The following LRRC57 variants were observed in gnomAD, a reference collection of about 807,000 sequenced individuals.
The protein encoded by LRRC57 is leucine rich repeat containing 57.
In LRRC57, 14 loss-of-function variants were observed where a neutral mutation model predicts 23.1. The ratio of observed to expected loss-of-function variants is 0.61; its 90% CI spans 0.40 to 0.95. LRRC57 has a LOEUF of 0.95. Ranked by LOEUF, LRRC57 falls within the 40% of genes least tolerant of loss-of-function variation. LRRC57 has a pLI of 0.00. For synonymous variants in LRRC57, 106 were observed against 115.2 expected, an observed-to-expected ratio of 0.92 and a Z score of 0.51; for missense variants, 236 against 284.4, an observed-to-expected ratio of 0.83 and a Z score of 1.22.
At chr15:42,535,929 T>C (rs2057598568), downstream of LRRC57, among the ~76,000 whole-genome samples, 1 of 152,238 alleles carries the variant, frequency 6.6e-6, no homozygotes, top group East Asian at 1.9e-4. Flanking sequence ...AATTTTAAAA[T>C]TAGCCAGGTG....
chr15:42,543,870 G>A lies in LRRC57; in HGVS notation c.*213C>T, dbSNP rs968417153. On this transcript the variant is annotated 3_prime_UTR_variant, in exon 6 of 6. Coordinates refer to ENST00000397130, the MANE Select transcript of LRRC57 (RefSeq NM_153260.3). ...TATTGCCCTACTCATGACTCAAAAC[G>A]GAAGACTTTTCCTGTCTCCTGATCC... is the stretch of plus-strand genomic sequence containing the variant. 4.5e-5 allele frequency: 20 copies of A among 443,722 alleles called. No individual in the cohort carries two copies. The highest frequency in any genetic ancestry group is 3.1e-4 in the East Asian group (10 of 32,126). 27.5% of individuals were successfully genotyped at this position (443,722 alleles called of 1,614,324 possible). A position where few individuals can be genotyped will look rare whatever the true frequency, so the allele number is the denominator to read the frequency against.
chr15:42,545,205 C>G lies in LRRC57; in HGVS notation c.550G>C (p.Glu184Gln). 2 of 1,608,470 alleles carry G rather than the reference C, an allele frequency of 1.2e-6. No homozygotes were observed. The highest frequency in any genetic ancestry group is 8.5e-7 in the Non-Finnish European group (1 of 1,177,906). Residue 184 changes from glutamate to glutamine, a missense_variant, in exon 5 of 6, where the codon GAA (glutamate) becomes CAA (glutamine). Physicochemically the swap from Glu to Gln is conservative, Grantham distance 29. Transcript: ENST00000397130. ...ATGCTGAGCTCAAGACAATTCTCTT[C>G]CAGGCGAAGAATTTTAAGGCGTGGA... ...CCPRLKILRL[E>Q]ENCLELSMLP...
At chr15:42,530,870 A>G in the LRRC57 span, among the ~76,000 whole-genome samples, 1 of 152,260 alleles carries the variant, frequency 6.6e-6, no homozygotes, top group African/African-American at 2.4e-5. Context: ...ACAGTGGTTC[A>G]CAAGATGCTT....
downstream of LRRC57, among the ~76,000 whole-genome samples, chr15:42,535,710 G>C (rs755140032): frequency 1.3e-5 from 2 of 152,066 alleles, no homozygotes; most frequent in Admixed American, 6.6e-5. Flanking sequence ...CAACGCGCCC[G>C]GCTATGACTC....
the LRRC57 span, among the ~76,000 whole-genome samples, chr15:42,528,578 GT>G: frequency 0.011 from 1,678 of 151,936 alleles, 25 homozygotes; most frequent in African/African-American, 0.038. Flanking sequence ...CAAAATGTGG[GT>G]TTTTTTTATT....
downstream of LRRC57, among the ~76,000 whole-genome samples, chr15:42,535,982 A>G (rs2057598908): frequency 6.6e-6 from 1 of 152,118 alleles, no homozygotes; most frequent in African/African-American, 2.4e-5. Context: ...GGAGGCTGAG[A>G]TGGGATGATT....
downstream of LRRC57, among the ~76,000 whole-genome samples, chr15:42,534,135 T>C (rs936462295): frequency 1.3e-5 from 2 of 152,134 alleles, no homozygotes; most frequent in Non-Finnish European, 1.5e-5. Flanking sequence ...TTGTTTGTTT[T>C]GTTTTGTTTT....
downstream of LRRC57, among the ~76,000 whole-genome samples, chr15:42,534,127 GTTTGT>G (rs899561230): frequency 5.3e-5 from 8 of 152,112 alleles, no homozygotes; most frequent in South Asian, 2.1e-4. Flanking sequence ...TCTCTTTTTT[GTTTGT>G]TTTGTTTTGT....
chr15:42,548,767 G>C lies in LRRC57; in HGVS notation c.-97C>G. ...CGCAGTAGCCGGGATGCGCTCCCCGGCTTAGTCCCGGGCGGGAACGCCCTG... is the reference window on the plus strand; with the variant it reads ...CGCAGTAGCCGGGATGCGCTCCCCGCCTTAGTCCCGGGCGGGAACGCCCTG... On this transcript the variant is annotated 5_prime_UTR_variant, in exon 1 of 6. Coordinates refer to ENST00000397130, the MANE Select transcript of LRRC57 (RefSeq NM_153260.3). The C allele has an allele frequency of 1.2e-6, 1 of 814,310 alleles. No homozygotes were observed. Among genetic ancestry groups the C allele is most frequent in the East Asian group, 2.7e-5 (1 of 37,334 alleles). 50.4% of individuals were successfully genotyped at this position (814,310 alleles called of 1,614,324 possible). A position where few individuals can be genotyped will look rare whatever the true frequency, so the allele number is the denominator to read the frequency against.
At chr15:42,528,333 A>G in the LRRC57 span, 17 of 1,614,140 alleles carry the variant, frequency 1.1e-5, no homozygotes, top group Non-Finnish European at 1.4e-5. Flanking sequence ...TCACCTTGCA[A>G]TGTAGTATCT....
rs1174763649 is a variant in LRRC57, at chr15:42,543,095, T to C, written c.*988A>G. 1 of 152,054 alleles carries C rather than the reference T, an allele frequency of 6.6e-6. No homozygotes were observed. The highest frequency in any genetic ancestry group is 1.5e-5 in the Non-Finnish European group (1 of 68,050). The allele number at this position is 152,054 out of a possible 1,614,324, so 9.4% of individuals were successfully genotyped here. A position where few individuals can be genotyped will look rare whatever the true frequency, so the allele number is the denominator to read the frequency against. On this transcript the variant is annotated 3_prime_UTR_variant, in exon 6 of 6. Coordinates refer to ENST00000397130, the MANE Select transcript of LRRC57 (RefSeq NM_153260.3). ...CATGTTGGCCAGGCTGGTCTCGAAC[T>C]CCTAACCTCGTGATCTGCCTGCCTT...
chr15:42,536,255 A>G (rs1412913126), downstream of LRRC57, among the ~76,000 whole-genome samples: 1 of 152,260 alleles, frequency 6.6e-6, no homozygotes, highest in African/African-American at 2.4e-5. Flanking sequence ...TGGCACTGAT[A>G]GACTTGCTCG....
chr15:42,542,237 TG>T lies in LRRC57; in HGVS notation c.*1845del, dbSNP rs2057634266. ...CTAATTTTTGTATTTTTAGTAGAGATGGGGTATCACCACATTGGTCAGGCTG... is the reference window on the plus strand; with the variant it reads ...CTAATTTTTGTATTTTTAGTAGAGATGGGTATCACCACATTGGTCAGGCTG... On this transcript the variant is annotated 3_prime_UTR_variant, in exon 6 of 6. Transcript: ENST00000397130. 6.6e-6 allele frequency: 1 copy of T among 150,488 alleles called. No individual in the cohort carries two copies. Among genetic ancestry groups the T allele is most frequent in the East Asian group, 2.0e-4 (1 of 5,106 alleles). 9.3% of individuals were successfully genotyped at this position (150,488 alleles called of 1,614,324 possible).
chr15:42,531,694 A>G, the LRRC57 span: 527 of 413,372 alleles, frequency 1.3e-3, 1 homozygote, highest in African/African-American at 9.7e-3. Context: ...TTCTCAATTC[A>G]TACGCTTAGA....
In LRRC57 at chr15:42,539,529, C is replaced by A. The variant is rs2057617627; in HGVS notation, c.*4554G>T. The stretch of plus-strand genomic sequence containing the variant: ...TTAAAAGCCAGGCAGTGGCTCACAC[C>A]TGTAATCTCAATACTTTGGGAGGCC... On this transcript the variant is annotated 3_prime_UTR_variant, in exon 6 of 6. Transcript: ENST00000397130. 6.8e-6 allele frequency: 1 copy of A among 146,350 alleles called. No homozygotes were observed. Among genetic ancestry groups the A allele is most frequent in the Non-Finnish European group, 1.5e-5 (1 of 67,072 alleles). The allele number at this position is 146,350 out of a possible 1,614,324, so 9.1% of individuals were successfully genotyped here.
At chr15:42,546,801 AG>A (rs1353754211) in intron 4 of LRRC57, among the ~76,000 whole-genome samples, 2 of 152,246 alleles carry the variant, frequency 1.3e-5, no homozygotes, top group Admixed American at 1.3e-4. Flanking sequence ...CTTCAGCAAA[AG>A]GAGACACACT....
intron 3 of LRRC57, 196 bp from the exon 4 acceptor site, chr15:42,547,725 G>T: frequency 1.7e-6 from 1 of 604,568 alleles, no homozygotes; most frequent in South Asian, 2.2e-5. Context: ...ATGCCGGAGA[G>T]CATTTGTGTG....
At chr15:42,529,627 T>C in the LRRC57 span, 71 of 1,588,292 alleles carry the variant, frequency 4.5e-5, no homozygotes, top group East Asian at 6.7e-5. Context: ...TCCAGACTTT[T>C]ATTTAAATTC....
chr15:42,537,252 C>CACACACACACAT (rs994897980), downstream of LRRC57, among the ~76,000 whole-genome samples: 3 of 151,480 alleles, frequency 2.0e-5, no homozygotes, highest in African/African-American at 7.3e-5. Flanking sequence ...CACACACACA[C>CACACACACACAT]ACACACACAC....
Sources: allele counts gnomAD v4.1 joint callset (sites outside exome capture counted in the v4.1 genomes callset), GRCh38; gene constraint gnomAD v4.1.1; transcripts MANE v1.5; gene names NCBI Gene and HGNC (gene_info 2026-07-23, HGNC 2026-07-21).